UBQLN1: variants seen among roughly 807,000 people sequenced by gnomAD.
UBQLN1 encodes the protein ubiquilin-1.
In UBQLN1, 13 loss-of-function variants were observed where a neutral mutation model predicts 65.4. That is an observed-to-expected ratio of 0.20 (90% confidence interval 0.13 to 0.32). The LOEUF is 0.32. Among genes scored for constraint, UBQLN1 ranks in the 10% least tolerant of loss-of-function variants. The pLI, the probability that UBQLN1 is intolerant of heterozygous loss-of-function variation, is 1.00. For missense variants in UBQLN1, 561 were observed against 724.0 expected (o/e 0.77, Z 2.58); for synonymous variants, 267 against 247.8 (o/e 1.08, Z -0.73).
At chr9:83,675,181 G>A (rs1430290616) in intron 6 of UBQLN1, among the ~76,000 whole-genome samples, 9 of 152,148 alleles carry the variant, frequency 5.9e-5, no homozygotes, top group South Asian at 4.1e-4. Context: ...AAGGTTGATG[G>A]TGGCTTAGCA....
chr9:83,665,077 C>A lies in UBQLN1; in HGVS notation c.1401G>T (p.Gln467His). ...CCGTTGCTAATGTCTGTAAACCCTG[C>A]TGAATCTGTAACAAGGCCTGCATTG... is the stretch of plus-strand genomic sequence containing the variant. ...PRAMQALLQIQQGLQTLATEA... is the reference protein window; with the variant it reads ...PRAMQALLQIHQGLQTLATEA... The change falls in exon 9 of 11, where the codon CAG becomes CAT. Residue 467 changes from glutamine (Q) to histidine (H), a missense_variant. By Grantham distance (24) the Gln-to-His change is conservative. Coordinates refer to ENST00000376395, the MANE Select transcript of UBQLN1 (RefSeq NM_013438.5). 6.2e-7 allele frequency: 1 copy of A among 1,613,934 alleles called. No homozygotes were observed. Among genetic ancestry groups the A allele is most frequent in the Non-Finnish European group, 8.5e-7 (1 of 1,179,962 alleles).
intron 1 of UBQLN1, among the ~76,000 whole-genome samples, chr9:83,688,787 G>C (rs1441375248): frequency 6.6e-6 from 1 of 151,964 alleles, no homozygotes; most frequent in Non-Finnish European, 1.5e-5. Flanking sequence ...CTTGAACCTG[G>C]GAGGCAGAGG....
Position 83,663,909 on chromosome 9 carries a change from T to C in UBQLN1, c.1583A>G (p.Gln528Arg). The change falls in exon 10 of 11, where the codon CAG becomes CGG. Residue 528 changes from glutamine to arginine, a missense_variant. Around this residue, in one of 8 missense-constraint regions of UBQLN1, gnomAD observed 68 missense variants for 62.2 expected, o/e 1.09. Transcript: ENST00000376395. The stretch of plus-strand genomic sequence containing the variant: ...TACTCCAGCAAGAGCCTGCAGCATC[T>C]GCTGAATAAACTGCTGATGTCCAGG... Reference protein sequence around the residue: ...TEPGHQQFIQQMLQALAGVNP... With the variant: ...TEPGHQQFIQRMLQALAGVNP... The C allele has an allele frequency of 6.2e-7, 1 of 1,614,142 alleles. No individual in the cohort carries two copies. The highest frequency in any genetic ancestry group is 2.2e-5 in the East Asian group (1 of 44,886).
rs767115655 is a variant in UBQLN1, at chr9:83,661,913, C to T, written c.1644G>A (p.Gln548=). The change falls in exon 11 of 11, where the codon CAG becomes CAA. Residue 548 remains glutamine, a synonymous_variant. Transcript: ENST00000376395. ...PQLQNPEVRF[Q]QQLEQLSAMG... Reference sequence around the variant, plus strand: ...TTGCACTGAGTTGTTCCAGTTGTTGCTGAAATCTGACTTCTGGATTCTGTA... The same window carrying T: ...TTGCACTGAGTTGTTCCAGTTGTTGTTGAAATCTGACTTCTGGATTCTGTA... The T allele has an allele frequency of 5.6e-6, 9 of 1,612,856 alleles. No individual in the cohort carries two copies. The highest frequency in any genetic ancestry group is 7.6e-6 in the Non-Finnish European group (9 of 1,179,522).
At chr9:83,664,093 G>C in intron 9 of UBQLN1, 50 bp from the exon 10 acceptor site, 4 of 1,565,868 alleles carry the variant, frequency 2.6e-6, no homozygotes, top group Non-Finnish European at 2.6e-6. Context: ...AAAACCAGAA[G>C]CCAGTCCGTA....
chr9:83,703,661 A>G (rs1223013429), intron 1 of UBQLN1, among the ~76,000 whole-genome samples: 1 of 152,184 alleles, frequency 6.6e-6, no homozygotes, highest in Non-Finnish European at 1.5e-5. Flanking sequence ...TTATATTCTC[A>G]CTACCTATTC....
At chr9:83,694,354 C>T (rs12115755) in intron 1 of UBQLN1, among the ~76,000 whole-genome samples, 5,999 of 147,104 alleles carry the variant, frequency 0.041, 405 homozygotes, top group African/African-American at 0.14. Flanking sequence ...GAATTAGCTC[C>T]TTACTCAATA....
intron 10 of UBQLN1, among the ~76,000 whole-genome samples, chr9:83,662,240 A>C (rs1488454520): frequency 6.7e-6 from 1 of 149,380 alleles, no homozygotes; most frequent in African/African-American, 2.5e-5. Flanking sequence ...ATGCAGAAAA[A>C]CCTGTATGTG....
intron 1 of UBQLN1, among the ~76,000 whole-genome samples, chr9:83,704,144 G>C (rs80348560): frequency 0.01 from 1,583 of 152,264 alleles, 28 homozygotes; most frequent in African/African-American, 0.037. Flanking sequence ...AAATTTTAAA[G>C]ACTAAATATT....
chr9:83,707,646 C>T lies in UBQLN1; in HGVS notation c.34G>A (p.Gly12Ser), dbSNP rs200840903. ...AESGESGGPP[G>S]SQDSAAGAEG... Reference sequence around the variant, plus strand: ...GCTCCGGCGGCGCTATCCTGGGAGCCCGGAGGACCGCCGCTTTCACCACTC... The same window carrying T: ...GCTCCGGCGGCGCTATCCTGGGAGCTCGGAGGACCGCCGCTTTCACCACTC... The change falls in exon 1 of 11, where the codon GGC becomes AGC. Residue 12 changes from glycine to serine, a missense_variant. Physicochemically the swap from Gly to Ser is moderately conservative, Grantham distance 56. Coordinates refer to ENST00000376395, the MANE Select transcript of UBQLN1 (RefSeq NM_013438.5). 2.1e-5 allele frequency: 33 copies of T among 1,565,740 alleles called. No individual in the cohort carries two copies. The highest frequency in any genetic ancestry group is 1.7e-6 in the Non-Finnish European group (2 of 1,156,718).
chr9:83,694,536 C>G (rs147431416), intron 1 of UBQLN1, among the ~76,000 whole-genome samples: 299 of 152,252 alleles, frequency 2.0e-3, no homozygotes, highest in African/African-American at 6.5e-3. Context: ...ATATGTAACA[C>G]GTATGAGAAA....
intron 1 of UBQLN1, 39 bp downstream of exon 1, chr9:83,707,461 C>T (rs1832431452): frequency 6.3e-7 from 1 of 1,575,722 alleles, no homozygotes; most frequent in Non-Finnish European, 8.6e-7. Flanking sequence ...GAGGTCCTGC[C>T]GCCACCCCCA....
chr9:83,668,653 A>C, intron 7 of UBQLN1: 1 of 984,988 alleles, frequency 1.0e-6, no homozygotes, highest in Non-Finnish European at 1.2e-6. Flanking sequence ...AATTAGAAAA[A>C]GGAATACATT....
chr9:83,667,125 C>T (rs1423764456), intron 7 of UBQLN1: 1 of 152,116 alleles, frequency 6.6e-6, no homozygotes, highest in Non-Finnish European at 1.5e-5. Context: ...CTCACTACTA[C>T]CAGAGATGAG....
chr9:83,661,465 C>A lies in UBQLN1; in HGVS notation c.*322G>T, dbSNP rs1831560054. The A allele has an allele frequency of 9.7e-6, 2 of 205,568 alleles. No individual in the cohort carries two copies. 12.7% of individuals were successfully genotyped at this position (205,568 alleles called of 1,614,324 possible). A position where few individuals can be genotyped will look rare whatever the true frequency, so the allele number is the denominator to read the frequency against. The stretch of plus-strand genomic sequence containing the variant: ...GCTTTTATTCTACATAAATTACTAC[C>A]ATAGGCTAATGTTTAAAAAGCAAAT... On this transcript the variant is annotated 3_prime_UTR_variant, in exon 11 of 11. Transcript: ENST00000376395.
At chr9:83,691,780 C>T (rs1166400039) in intron 1 of UBQLN1, among the ~76,000 whole-genome samples, 1 of 152,206 alleles carries the variant, frequency 6.6e-6, no homozygotes, top group African/African-American at 2.4e-5. Context: ...GATCCTCCAA[C>T]CTCATGGAAC....
At chr9:83,689,983 G>A (rs1587655998) in intron 1 of UBQLN1, among the ~76,000 whole-genome samples, 2 of 152,320 alleles carry the variant, frequency 1.3e-5, no homozygotes, top group African/African-American at 4.8e-5. Flanking sequence ...CTGTTAAAGA[G>A]CGTTACAGAG....
At chr9:83,671,200 T>C (rs564569243) in intron 6 of UBQLN1, among the ~76,000 whole-genome samples, 12 of 152,324 alleles carry the variant, frequency 7.9e-5, no homozygotes, top group Admixed American at 2.0e-4. Flanking sequence ...CATAGAAGTC[T>C]TGAACCCCTC....
chr9:83,668,506 T>C, intron 7 of UBQLN1: 1 of 985,304 alleles, frequency 1.0e-6, no homozygotes, highest in Non-Finnish European at 1.2e-6. Context: ...GAAAGGGTTA[T>C]CGGACGCAAT....
Sources: allele counts gnomAD v4.1 joint callset (sites outside exome capture counted in the v4.1 genomes callset), GRCh38; gene constraint gnomAD v4.1.1; regional missense constraint gnomAD v4.1.1; transcripts MANE v1.5; gene names NCBI Gene and HGNC (gene_info 2026-07-23, HGNC 2026-07-21).